The following SYT1 variants were observed in gnomAD, a reference collection of about 807,000 sequenced individuals.
The protein encoded by SYT1 is synaptotagmin 1.
A neutral mutation model predicts 44.8 loss-of-function variants in SYT1; 8 were observed. The ratio of observed to expected loss-of-function variants is 0.18; its 90% CI spans 0.10 to 0.32. SYT1 has a LOEUF of 0.32. Among genes scored for constraint, SYT1 ranks in the 10% least tolerant of loss-of-function variants. SYT1 has a pLI of 1.00. For synonymous variants in SYT1, 154 were observed against 188.8 expected (o/e 0.82, Z 1.51); for missense variants, 286 against 509.3 (o/e 0.56, Z 4.22).
intron 2 of SYT1, among the ~76,000 whole-genome samples, chr12:79,041,089 A>T (rs1038761548): frequency 2.6e-4 from 40 of 152,076 alleles, no homozygotes; most frequent in Non-Finnish European, 5.3e-4. Context: ...TTGGCTTAAG[A>T]TTGACTTGGC....
chr12:78,882,552 T>A (rs1397872991), intron 1 of SYT1, among the ~76,000 whole-genome samples: 1 of 151,702 alleles, frequency 6.6e-6, no homozygotes, highest in Non-Finnish European at 1.5e-5. Flanking sequence ...TTTCCAAAAT[T>A]CCTCCAGAAC....
intron 5 of SYT1, among the ~76,000 whole-genome samples, chr12:79,289,711 A>G (rs1176411237): frequency 6.6e-6 from 1 of 152,160 alleles, no homozygotes; most frequent in African/African-American, 2.4e-5. Flanking sequence ...TATCAAACAG[A>G]AGTAGATGTT....
At chr12:79,379,366 T>C (rs1884126405) in intron 9 of SYT1, among the ~76,000 whole-genome samples, 1 of 151,510 alleles carries the variant, frequency 6.6e-6, no homozygotes, top group South Asian at 2.1e-4. Flanking sequence ...ATGAAGAAAA[T>C]TGGCCTTTTT....
intron 4 of SYT1, among the ~76,000 whole-genome samples, chr12:79,285,368 C>A (rs894636214): frequency 8.5e-5 from 13 of 152,122 alleles, no homozygotes; most frequent in Non-Finnish European, 1.8e-4. Flanking sequence ...GGGTACCTAC[C>A]AATTTATTTC....
chr12:79,439,918 T>TAAA (rs34505923), intron 9 of SYT1, among the ~76,000 whole-genome samples: 31 of 146,708 alleles, frequency 2.1e-4, no homozygotes, highest in East Asian at 1.8e-3. Flanking sequence ...TTGAATTCTT[T>TAAA]AAAAAAAAAA....
intron 3 of SYT1, among the ~76,000 whole-genome samples, chr12:79,135,385 G>T (rs1056525043): frequency 1.3e-5 from 2 of 151,954 alleles, no homozygotes; most frequent in Non-Finnish European, 2.9e-5. Context: ...TCTCAATAAG[G>T]GTAGGGTGGG....
At chr12:79,426,839 A>T (rs955044968) in intron 9 of SYT1, among the ~76,000 whole-genome samples, 1 of 152,184 alleles carries the variant, frequency 6.6e-6, no homozygotes, top group South Asian at 2.1e-4. Flanking sequence ...CCACATGTCA[A>T]GGGTGGGACC....
chr12:79,005,351 C>A (rs568741605), intron 2 of SYT1, among the ~76,000 whole-genome samples: 46 of 151,978 alleles, frequency 3.0e-4, no homozygotes, highest in African/African-American at 1.1e-3. Context: ...ATATTAAGAA[C>A]ATGGAATTTA....
chr12:79,002,706 T>A (rs1473223408), intron 2 of SYT1, among the ~76,000 whole-genome samples: 2 of 152,036 alleles, frequency 1.3e-5, no homozygotes, highest in Non-Finnish European at 2.9e-5. Context: ...TGACTATGTA[T>A]TCCTTGACGC....
At chr12:78,932,624 C>A (rs1877816677) in intron 1 of SYT1, among the ~76,000 whole-genome samples, 1 of 152,072 alleles carries the variant, frequency 6.6e-6, no homozygotes, top group Non-Finnish European at 1.5e-5. Flanking sequence ...ACATGGAAAT[C>A]ATATTCTATT....
At chr12:79,342,958 A>G (rs184334407) in intron 8 of SYT1, among the ~76,000 whole-genome samples, 46 of 152,328 alleles carry the variant, frequency 3.0e-4, no homozygotes, top group African/African-American at 1.1e-3. Context: ...TATTATAACT[A>G]AAACCATATA....
intron 3 of SYT1, among the ~76,000 whole-genome samples, chr12:79,186,092 C>T (rs887467095): frequency 1.3e-5 from 2 of 151,918 alleles, no homozygotes; most frequent in Non-Finnish European, 2.9e-5. Context: ...AAATTTACAT[C>T]TTCTAAAACT....
chr12:79,325,894 A>G (rs1410240781), intron 8 of SYT1, among the ~76,000 whole-genome samples: 1 of 152,230 alleles, frequency 6.6e-6, no homozygotes, highest in Non-Finnish European at 1.5e-5. Flanking sequence ...AGTCAATATT[A>G]GCTCCCTTTC....
intron 1 of SYT1, among the ~76,000 whole-genome samples, chr12:78,866,660 G>A (rs373757721): frequency 1.4e-4 from 21 of 152,210 alleles, no homozygotes; most frequent in East Asian, 5.8e-4. Context: ...GAAATGCCTC[G>A]TTTGATGTAA....
chr12:79,039,326 A>G (rs368119688), intron 2 of SYT1, among the ~76,000 whole-genome samples: 18 of 152,084 alleles, frequency 1.2e-4, no homozygotes, highest in African/African-American at 3.9e-4. Flanking sequence ...CTTTAAAAGT[A>G]TTGTACAAAA....
intron 3 of SYT1, among the ~76,000 whole-genome samples, chr12:79,169,465 A>G (rs1398346141): frequency 6.6e-6 from 1 of 152,046 alleles, no homozygotes; most frequent in African/African-American, 2.4e-5. Flanking sequence ...GCTTATTATC[A>G]CATGAATTTG....
chr12:79,434,023 T>C (rs995971753), intron 9 of SYT1, among the ~76,000 whole-genome samples: 2 of 152,240 alleles, frequency 1.3e-5, no homozygotes, highest in Admixed American at 1.3e-4. Context: ...TTTGCCAATG[T>C]TGGAAATGAC....
chr12:79,226,346 T>C (rs2138598036), intron 4 of SYT1, among the ~76,000 whole-genome samples: 1 of 152,302 alleles, frequency 6.6e-6, no homozygotes, highest in South Asian at 2.1e-4. Flanking sequence ...AGGAAAGCAA[T>C]CAGCTGGAAA....
chr12:78,977,103 GA>G (rs932931950), intron 1 of SYT1, among the ~76,000 whole-genome samples: 1 of 150,146 alleles, frequency 6.7e-6, no homozygotes, highest in Non-Finnish European at 1.5e-5. Context: ...AAAAAGAAGA[GA>G]AAAAAATGTA....
Sources: allele counts gnomAD v4.1 joint callset (sites outside exome capture counted in the v4.1 genomes callset), GRCh38; gene constraint gnomAD v4.1.1; transcripts MANE v1.5; gene names NCBI Gene and HGNC (gene_info 2026-07-23, HGNC 2026-07-21).